Variants in FAM20A observed in about 807,000 individuals in gnomAD.
FAM20A encodes FAM20A golgi associated secretory pathway pseudokinase.
A neutral mutation model predicts 52.0 loss-of-function variants in FAM20A; 42 were observed. The ratio of observed to expected loss-of-function variants is 0.81; its 90% CI spans 0.63 to 1.04. The LOEUF (loss-of-function observed/expected upper bound fraction) is 1.04. Ranked by LOEUF, FAM20A falls within the 50% of genes least tolerant of loss-of-function variation. The probability of loss-of-function intolerance (pLI) is 0.00; values close to 1 mark genes in which losing one functional copy is unlikely to be tolerated. For synonymous variants in FAM20A, 304 were observed against 298.9 expected (o/e 1.02, Z -0.18); for missense variants, 742 against 712.7 (o/e 1.04, Z -0.47).
At chr17:68,555,766 C>T in intron 1 of FAM20A, 23 bp from the exon 2 acceptor site, 1 of 1,613,814 alleles carries the variant, frequency 6.2e-7, no homozygotes, top group Non-Finnish European at 8.5e-7. Flanking sequence ...GATAGTTGTT[C>T]ATTAGAGGAA....
At chr17:68,571,450 G>A (rs184891763) in intron 1 of FAM20A, among the ~76,000 whole-genome samples, 94 of 152,302 alleles carry the variant, frequency 6.2e-4, no homozygotes, top group African/African-American at 1.5e-3. Context: ...AAATCCCTTG[G>A]ACACAGGAAT....
chr17:68,592,057 T>G (rs2088328660), intron 1 of FAM20A, among the ~76,000 whole-genome samples: 1 of 152,102 alleles, frequency 6.6e-6, no homozygotes, highest in South Asian at 2.1e-4. Flanking sequence ...TGCATGAAAC[T>G]TAAGGGAAAA....
intron 1 of FAM20A, among the ~76,000 whole-genome samples, chr17:68,567,993 C>T (rs1364237377): frequency 6.6e-6 from 1 of 151,948 alleles, no homozygotes. Flanking sequence ...GTCAGTTAAA[C>T]CTCTTTTCTT....
chr17:68,537,699 T>C lies in FAM20A; in HGVS notation c.1404A>G (p.Gln468=). The part of the protein sequence containing the change: ...KTLLHLQLLA[Q]ADYRLSDVMR... ...TCACATCGCTGAGTCTGTAGTCAGC[T>C]TGGGCCAGCAGCTGCAGGTGCAAAA... is the stretch of plus-strand genomic sequence containing the variant. Residue 468 remains glutamine (Q), a synonymous_variant, in exon 11 of 11, where the codon CAA becomes CAG. Coordinates refer to ENST00000592554, the MANE Select transcript of FAM20A (RefSeq NM_017565.4). This position sits in a 1 kb window ranked among gnomAD's most constrained non-coding sequence, Gnocchi z 4.2. 2 of 1,613,628 alleles carry C rather than the reference T, an allele frequency of 1.2e-6. No homozygotes were observed. The highest frequency in any genetic ancestry group is 1.7e-6 in the Non-Finnish European group (2 of 1,179,818).
chr17:68,547,539 T>C (rs2086625847), intron 4 of FAM20A, among the ~76,000 whole-genome samples: 1 of 152,260 alleles, frequency 6.6e-6, no homozygotes, highest in South Asian at 2.1e-4. Context: ...CATCAGCACT[T>C]ACTGCTTCAC....
intron 1 of FAM20A, among the ~76,000 whole-genome samples, chr17:68,589,762 A>G (rs149452641): frequency 2.8e-4 from 43 of 152,370 alleles, no homozygotes; most frequent in African/African-American, 1.0e-3. Context: ...ATATAAATCT[A>G]ACATATGGTC....
At position 68,535,777 on chromosome 17, in the gene FAM20A, G is replaced by A. The variant is rs1028707400; in HGVS notation, c.*1700C>T. On this transcript the variant is annotated 3_prime_UTR_variant, in exon 11 of 11. Coordinates refer to ENST00000592554, the MANE Select transcript of FAM20A (RefSeq NM_017565.4). ...TCTGCCTGTTTAGGCCCAAAGTGCT[G>A]GGATTACAGGTGTGAGCCCATGCCC... 2.6e-5 allele frequency: 12 copies of A among 453,442 alleles called. No individual in the cohort carries two copies. Among genetic ancestry groups the A allele is most frequent in the Non-Finnish European group, 4.4e-5 (10 of 226,692 alleles). 28.1% of individuals were successfully genotyped at this position (453,442 alleles called of 1,614,324 possible).
chr17:68,574,091 G>T (rs985401625), intron 1 of FAM20A, among the ~76,000 whole-genome samples: 3 of 151,778 alleles, frequency 2.0e-5, no homozygotes, highest in Non-Finnish European at 4.4e-5. Flanking sequence ...TTGAGACAGG[G>T]TCTCACTCTG....
chr17:68,557,124 C>G (rs1295605116), intron 1 of FAM20A, among the ~76,000 whole-genome samples: 1 of 151,856 alleles, frequency 6.6e-6, no homozygotes, highest in Non-Finnish European at 1.5e-5. Context: ...CACTTGAACC[C>G]AGGAGGTGGA....
rs1203171452 is a variant in FAM20A, at chr17:68,592,310, G to A, written c.404+7953C>T. 7.2e-5 allele frequency among the ~76,000 whole-genome samples: 11 copies of A among 152,334 alleles called. No individual in the cohort carries two copies. In the South Asian group the frequency reaches 2.1e-3, roughly 29 times the overall value. ...TTAAAAAAAAGTACGTGAGCCAGCT[G>A]TGGAGGCAGATAGACATACTTTCCC... On this transcript the variant is annotated intron_variant, in intron 1 of 10. Transcript: ENST00000592554.
chr17:68,551,724 T>TATTATTATTATTATTA (rs34614921), intron 4 of FAM20A, 149 bp downstream of exon 4: 27 of 292,272 alleles, frequency 9.2e-5, no homozygotes, highest in African/African-American at 7.2e-4. Flanking sequence ...TTATTATTAT[T>TATTATTATTATTATTA]ATCACCCCAA....
rs373009844 is a variant in FAM20A, at chr17:68,574,330, C to T, written c.405-18587G>A. 2.9e-4 allele frequency among the ~76,000 whole-genome samples: 44 copies of T among 152,304 alleles called. 1 individual carries two copies. In the East Asian group the frequency reaches 6.6e-3, roughly 23 times the overall value. ...TCCTCTGCAGAGTTCTGAGGTGGTGCAGGGCATCACATGGCGAGGGGGCTG... is the reference window on the plus strand; with the variant it reads ...TCCTCTGCAGAGTTCTGAGGTGGTGTAGGGCATCACATGGCGAGGGGGCTG... On this transcript the variant is annotated intron_variant, in intron 1 of 10. Coordinates refer to ENST00000592554, the MANE Select transcript of FAM20A (RefSeq NM_017565.4).
intron 7 of FAM20A, 78 bp from the exon 8 acceptor site, chr17:68,541,036 C>G: frequency 6.5e-7 from 1 of 1,540,142 alleles, no homozygotes; most frequent in Admixed American, 2.0e-5. Context: ...CCTCCCCCTG[C>G]CCCCCCAATC....
chr17:68,571,995 T>TATATATATA (rs2087558983), intron 1 of FAM20A, among the ~76,000 whole-genome samples: 6 of 20,852 alleles, frequency 2.9e-4, no homozygotes, highest in African/African-American at 1.7e-3. Flanking sequence ...TACATATATA[T>TATATATATA]ATATATATAT....
intron 4 of FAM20A, among the ~76,000 whole-genome samples, chr17:68,544,122 A>G (rs554226832): frequency 1.3e-5 from 2 of 152,318 alleles, no homozygotes; most frequent in African/African-American, 4.8e-5. Flanking sequence ...GGATGAAGAA[A>G]GGTGGGGTAT....
chr17:68,542,046 C>T lies in FAM20A; in HGVS notation c.1048G>A (p.Ala350Thr). ...LSAFLPSLNL[A>T]PRLSVPNPWI... ...GGGTTGGGCACAGACAGCCTGGGGGCCAGGTTGAGGGACGGCAGGAAGGCA... is the reference window on the plus strand; with the variant it reads ...GGGTTGGGCACAGACAGCCTGGGGGTCAGGTTGAGGGACGGCAGGAAGGCA... The change falls in exon 7 of 11, where the codon GCC (alanine) becomes ACC (threonine). Residue 350 changes from alanine (A) to threonine (T), a missense_variant. By Grantham distance (58) the Ala-to-Thr change is moderately conservative. Coordinates refer to ENST00000592554, the MANE Select transcript of FAM20A (RefSeq NM_017565.4). 6.2e-7 allele frequency: 1 copy of T among 1,614,060 alleles called. No individual in the cohort carries two copies. The highest frequency in any genetic ancestry group is 8.5e-7 in the Non-Finnish European group (1 of 1,180,000).
At chr17:68,559,513 C>G (rs2087150554) in intron 1 of FAM20A, among the ~76,000 whole-genome samples, 1 of 152,312 alleles carries the variant, frequency 6.6e-6, no homozygotes, top group South Asian at 2.1e-4. Flanking sequence ...ATCACATGAT[C>G]TTCAGGGGAG....
At position 68,571,948 on chromosome 17, in the gene FAM20A, ATGTGTGTG is replaced by A. The variant is rs1271843375; in HGVS notation, c.405-16213_405-16206del. 2.1e-5 allele frequency among the ~76,000 whole-genome samples: 3 copies of A among 140,248 alleles called. No individual in the cohort carries two copies. The East Asian group carries it at 7.6e-4, about 36-fold the overall frequency. The allele number at this position is 140,248 out of a possible 152,430, so 92.0% of individuals were successfully genotyped here. A position where few individuals can be genotyped will look rare whatever the true frequency, so the allele number is the denominator to read the frequency against. ...ATCAAACTTATGTAGAAATATATAT[ATGTGTGTG>A]TGTGTATATATATGTGTGTGTATAT... On this transcript the variant is annotated intron_variant, in intron 1 of 10. Transcript: ENST00000592554.
At position 68,571,985 on chromosome 17, in the gene FAM20A, T is replaced by TAC. The variant is rs1555829216; in HGVS notation, c.405-16244_405-16243dup. ...GTATATATATGTGTGTGTATATACATACATATATATATATATATATATATA... is the reference window on the plus strand; with the variant it reads ...GTATATATATGTGTGTGTATATACATACACATATATATATATATATATATATA... On this transcript the variant is annotated intron_variant, in intron 1 of 10. Transcript: ENST00000592554. Among the ~76,000 whole-genome samples, 4 of 42,570 alleles carry TAC rather than the reference T, an allele frequency of 9.4e-5. No homozygotes were observed. The East Asian group carries it at 2.0e-3, about 21-fold the overall frequency. 27.9% of individuals were successfully genotyped at this position (42,570 alleles called of 152,430 possible).
Sources: gnomAD v4.1 joint callset for allele counts (sites outside exome capture counted in the v4.1 genomes callset) on GRCh38, gnomAD v4.1.1 for gene constraint, Gnocchi (gnomAD v3.1) non-coding constraint, MANE v1.5 for transcripts, NCBI Gene and HGNC (gene_info 2026-07-23, HGNC 2026-07-21) for gene names.